The following EYS variants were observed in gnomAD, a reference collection of about 807,000 sequenced individuals.
EYS encodes protein eyes shut homolog.
Under a neutral mutation model 282.1 loss-of-function variants are expected in EYS, and 250 were observed. The observed-to-expected ratio is 0.89, with a 90% CI of 0.80 to 0.98. EYS has a LOEUF of 0.98. Among genes scored for constraint, EYS ranks in the 50% least tolerant of loss-of-function variants. The probability of loss-of-function intolerance (pLI) is 0.00; values close to 1 mark genes in which losing one functional copy is unlikely to be tolerated. For missense variants in EYS, 4,016 were observed against 3,709.0 expected (o/e 1.08, Z -2.15); for synonymous variants, 1,355 against 1,282.9 (o/e 1.06, Z -1.20).
At chr6:64,006,523 T>C (rs1017061010) in intron 33 of EYS, among the ~76,000 whole-genome samples, 1 of 152,150 alleles carries the variant, frequency 6.6e-6, no homozygotes, top group Non-Finnish European at 1.5e-5. Context: ...TCCAGTACTA[T>C]GTTGGATGAA....
intron 29 of EYS, among the ~76,000 whole-genome samples, chr6:64,346,251 A>G (rs763373724): frequency 1.3e-5 from 2 of 152,122 alleles, no homozygotes; most frequent in African/African-American, 2.4e-5. Context: ...ACACATGCAT[A>G]CGTATGTTTA....
chr6:64,054,227 A>G (rs1770908069), intron 33 of EYS, among the ~76,000 whole-genome samples: 1 of 152,202 alleles, frequency 6.6e-6, no homozygotes, highest in Non-Finnish European at 1.5e-5. Context: ...ACAAGACATG[A>G]GCATGCTGGG....
chr6:64,632,083 G>T (rs1767802824), intron 22 of EYS, among the ~76,000 whole-genome samples: 1 of 151,156 alleles, frequency 6.6e-6, no homozygotes, highest in African/African-American at 2.4e-5. Flanking sequence ...TTTTATATCT[G>T]CAAAGCATCA....
At position 65,630,490 on chromosome 6, in the gene EYS, A is replaced by G. The variant is rs74670172; in HGVS notation, c.-333+9288T>C. Among the ~76,000 whole-genome samples the G allele has an allele frequency of 3.3e-5, 5 of 152,326 alleles. No individual in the cohort carries two copies. In the East Asian group the frequency reaches 7.7e-4, roughly 23 times the overall value. ...CTTAGTAGAACTTACATATTTCTCA[A>G]TGTAAATATTTTGACCAATATTTAT... On this transcript the variant is annotated intron_variant, in intron 2 of 42. Transcript: ENST00000503581.
intron 9 of EYS, among the ~76,000 whole-genome samples, chr6:65,346,995 C>A (rs1376977191): frequency 2.0e-5 from 3 of 151,698 alleles, no homozygotes; most frequent in East Asian, 1.9e-4. Flanking sequence ...ACCAATGATA[C>A]CAGGTATAAA....
chr6:63,801,280 AAAAC>A (rs1381494401), intron 37 of EYS, among the ~76,000 whole-genome samples: 1 of 152,128 alleles, frequency 6.6e-6, no homozygotes, highest in Non-Finnish European at 1.5e-5. Flanking sequence ...GAAGGAGAAA[AAAAC>A]AAAAAGTAAC....
intron 37 of EYS, among the ~76,000 whole-genome samples, chr6:63,803,551 A>T (rs763576952): frequency 5.3e-5 from 8 of 152,182 alleles, no homozygotes; most frequent in Non-Finnish European, 1.2e-4. Flanking sequence ...TTGATGGAAG[A>T]GTTGCGAGGA....
rs1489319383 is a variant in EYS, at chr6:64,590,499, T to C, written c.5368A>G (p.Asn1790Asp). 2 of 1,551,452 alleles carry C rather than the reference T, an allele frequency of 1.3e-6. No homozygotes were observed. The highest frequency in any genetic ancestry group is 1.7e-6 in the Non-Finnish European group (2 of 1,146,810). ...GCTGAAACTGTATAAAATGCAACAT[T>C]GGTGGTGACTTCTGAAAAATCAGGC... ...SVPDFSEVTT[N>D]VAFYTVSATP... The change falls in exon 26 of 43, where the codon AAT (asparagine) becomes GAT (aspartate). Residue 1790 changes from asparagine to aspartate, a missense_variant. By Grantham distance (23) the Asn-to-Asp change is conservative. Transcript: ENST00000503581.
chr6:64,338,697 C>T lies in EYS; in HGVS notation c.6079-31615G>A, dbSNP rs187140530. On this transcript the variant is annotated intron_variant, in intron 29 of 42. Transcript: ENST00000503581. ...CCAAAGCAAGACTGAGGAAAAATAA[C>T]AACTCTGGAAGCATCATGCTACCTG... Among the ~76,000 whole-genome samples the T allele has an allele frequency of 4.9e-3, 745 of 152,038 alleles. 2 individuals carry two copies. The highest frequency in any genetic ancestry group is 7.8e-3 in the Non-Finnish European group (532 of 67,902).
chr6:64,582,770 G>A lies in EYS; in HGVS notation c.5644+7453C>T, dbSNP rs368068198. Reference sequence around the variant, plus strand: ...AATGTCAATAACACTATTCCATGCAGTGACTAGTGGGAATGAAATGCAAAT... The same window carrying A: ...AATGTCAATAACACTATTCCATGCAATGACTAGTGGGAATGAAATGCAAAT... On this transcript the variant is annotated intron_variant, in intron 26 of 42. Transcript: ENST00000503581. 7.9e-5 allele frequency among the ~76,000 whole-genome samples: 12 copies of A among 152,208 alleles called. 2 individuals carry two copies. Among genetic ancestry groups the A allele is most frequent in the African/African-American group, 2.6e-4 (11 of 41,544 alleles).
At chr6:65,202,065 T>C (rs1207403346) in intron 12 of EYS, among the ~76,000 whole-genome samples, 5 of 151,842 alleles carry the variant, frequency 3.3e-5, no homozygotes, top group Non-Finnish European at 7.4e-5. Context: ...TGAACCAAGA[T>C]TGCACCAGTG....
chr6:65,108,920 T>C (rs547486491), intron 12 of EYS, among the ~76,000 whole-genome samples: 162 of 152,218 alleles, frequency 1.1e-3, no homozygotes, highest in African/African-American at 3.7e-3. Context: ...GGGTGAACTC[T>C]GTTGGTATAC....
chr6:64,953,208 C>G (rs1769572391), intron 14 of EYS, among the ~76,000 whole-genome samples: 1 of 151,556 alleles, frequency 6.6e-6, no homozygotes, highest in South Asian at 2.1e-4. Context: ...TCAGTCTTAG[C>G]CACAATTTTT....
At chr6:64,778,315 A>G (rs900370326) in intron 22 of EYS, among the ~76,000 whole-genome samples, 6 of 152,206 alleles carry the variant, frequency 3.9e-5, no homozygotes, top group African/African-American at 1.4e-4. Context: ...GTATTAAATA[A>G]AATGTTGCTT....
intron 2 of EYS, among the ~76,000 whole-genome samples, chr6:65,515,161 A>T (rs1254013344): frequency 6.6e-6 from 1 of 152,200 alleles, no homozygotes; most frequent in Non-Finnish European, 1.5e-5. Flanking sequence ...AAAAGAAGAC[A>T]TTTATCCAGC....
intron 35 of EYS, among the ~76,000 whole-genome samples, chr6:63,872,994 C>CT (rs947752232): frequency 1.6e-4 from 23 of 142,778 alleles, no homozygotes; most frequent in Non-Finnish European, 9.5e-5. Flanking sequence ...AGAAAAATAT[C>CT]TTTTTTTGTT....
At chr6:63,850,364 A>T (rs1480768351) in intron 36 of EYS, among the ~76,000 whole-genome samples, 1 of 152,188 alleles carries the variant, frequency 6.6e-6, no homozygotes, top group Non-Finnish European at 1.5e-5. Flanking sequence ...CAACACCAAG[A>T]CATATAATCA....
chr6:65,071,523 CCATGAATGG>C (rs1490418410), intron 12 of EYS, among the ~76,000 whole-genome samples: 3 of 151,522 alleles, frequency 2.0e-5, no homozygotes, highest in African/African-American at 7.3e-5. Context: ...AATTTAAAAC[CCATGAATGG>C]CATGCACAAC....
At chr6:65,651,409 T>G (rs1042193885) in intron 1 of EYS, among the ~76,000 whole-genome samples, 2 of 152,082 alleles carry the variant, frequency 1.3e-5, no homozygotes, top group African/African-American at 4.8e-5. Context: ...GAGACAATGT[T>G]TATATTAATT....
Sources: allele counts gnomAD v4.1 joint callset (sites outside exome capture counted in the v4.1 genomes callset), GRCh38; gene constraint gnomAD v4.1.1; transcripts MANE v1.5; gene names NCBI Gene and HGNC (gene_info 2026-07-23, HGNC 2026-07-21).